COG4: variants seen among roughly 807,000 people sequenced by gnomAD.
The protein encoded by COG4 is component of oligomeric golgi complex 4.
In COG4, 65 loss-of-function variants were observed where a neutral mutation model predicts 95.1. The ratio of observed to expected loss-of-function variants is 0.68; its 90% CI spans 0.56 to 0.84. The LOEUF is 0.84. Ranked by LOEUF, COG4 falls within the 40% of genes least tolerant of loss-of-function variation. COG4 has a pLI of 0.00. For synonymous variants in COG4, 421 were observed against 374.8 expected, an observed-to-expected ratio of 1.12 and a Z score of -1.42; for missense variants, 1,045 against 989.1, an observed-to-expected ratio of 1.06 and a Z score of -0.76.
intron 8 of COG4, among the ~76,000 whole-genome samples, chr16:70,506,173 G>C (rs866048456): frequency 1.3e-5 from 2 of 151,760 alleles, no homozygotes; most frequent in Non-Finnish European, 2.9e-5. Flanking sequence ...GAGGTGGGTG[G>C]ATCATGAGGG....
chr16:70,519,637 G>T lies in COG4; in HGVS notation c.254+12C>A. On this transcript the variant is annotated intron_variant, in intron 2 of 18. Coordinates refer to ENST00000323786, the MANE Select transcript of COG4 (RefSeq NM_015386.3). ...AATTTACATTAGCTCTTGCTGAGAT[G>T]CACAGACTCACCCCATTCGGTGGAG... is the stretch of plus-strand genomic sequence containing the variant. 6.2e-7 allele frequency: 1 copy of T among 1,602,298 alleles called. No homozygotes were observed. Among genetic ancestry groups the T allele is most frequent in the Non-Finnish European group, 8.5e-7 (1 of 1,169,714 alleles).
At chr16:70,508,937 G>C (rs1409883640) in intron 7 of COG4, 1 of 543,604 alleles carries the variant, frequency 1.8e-6, no homozygotes, top group African/African-American at 1.9e-5. Flanking sequence ...TATCATTAGA[G>C]GGCACTGTTG....
In COG4 at chr16:70,481,097, C is replaced by G; in HGVS notation, c.2283G>C (p.Thr761=). The G allele has an allele frequency of 6.2e-7, 1 of 1,613,484 alleles. No homozygotes were observed. Among genetic ancestry groups the G allele is most frequent in the Admixed American group, 1.7e-5 (1 of 60,018 alleles). The change falls in exon 19 of 19, where the codon ACG becomes ACC. Residue 761 remains threonine, a synonymous_variant. Coordinates refer to ENST00000323786, the MANE Select transcript of COG4 (RefSeq NM_015386.3). ...GCACTTCAGCAGGGGTGAGGCGCCA[C>G]GTCAATGGGCCGGAATTGGGTCCCC... ...DYWGPNSGPL[T]WRLTPAEVRQ...
In COG4 at chr16:70,481,000, A is replaced by C; in HGVS notation, c.*10T>G. On this transcript the variant is annotated 3_prime_UTR_variant, in exon 19 of 19. Transcript: ENST00000323786. The stretch of plus-strand genomic sequence containing the variant: ...CAAGTGTGATGAGCCAGGTGTGCTC[A>C]TCCAGGCAGCTACAGGCGCAGCCTC... 6.2e-7 allele frequency: 1 copy of C among 1,611,872 alleles called. No individual in the cohort carries two copies. The highest frequency in any genetic ancestry group is 1.1e-5 in the South Asian group (1 of 91,034).
intron 8 of COG4, among the ~76,000 whole-genome samples, chr16:70,502,526 G>A (rs1213522189): frequency 2.0e-5 from 3 of 150,886 alleles, no homozygotes; most frequent in Admixed American, 1.3e-4. Flanking sequence ...GCTTGAACCC[G>A]AGAGGCGGAG....
At chr16:70,481,275 C>T in intron 18 of COG4, 84 bp downstream of exon 18, 2 of 1,608,902 alleles carry the variant, frequency 1.2e-6, no homozygotes, top group Non-Finnish European at 1.7e-6. Flanking sequence ...TGCTGGCAGA[C>T]ATGGTTTAGA....
At chr16:70,522,639 G>A (rs560722546) in intron 1 of COG4, among the ~76,000 whole-genome samples, 150 of 152,322 alleles carry the variant, frequency 9.8e-4, no homozygotes, top group Middle Eastern at 3.4e-3. Flanking sequence ...CAGCTGACAA[G>A]CTTAGAGCTT....
At chr16:70,482,236 C>T (rs1397099155) in intron 15 of COG4, 61 bp from the exon 16 acceptor site, 3 of 986,964 alleles carry the variant, frequency 3.0e-6, no homozygotes, top group Admixed American at 1.7e-5. Flanking sequence ...TTCATTGCCA[C>T]CCACCTCTAT....
chr16:70,488,672 C>G (rs545099465), intron 13 of COG4, among the ~76,000 whole-genome samples: 1 of 152,046 alleles, frequency 6.6e-6, no homozygotes, highest in Non-Finnish European at 1.5e-5. Flanking sequence ...CTCAGCCTCC[C>G]GAGTAGCTGG....
intron 9 of COG4, among the ~76,000 whole-genome samples, chr16:70,500,456 G>T (rs1451443642): frequency 6.8e-6 from 1 of 146,440 alleles, no homozygotes; most frequent in African/African-American, 2.7e-5. Context: ...GCCCCCCAGG[G>T]TTCAAGCAAT....
Position 70,509,316 on chromosome 16 carries a change from A to T in COG4, c.917T>A (p.Leu306Gln). The change falls in exon 7 of 19, where the codon CTG (leucine) becomes CAG (glutamine). Residue 306 changes from leucine to glutamine, a missense_variant. Coordinates refer to ENST00000323786, the MANE Select transcript of COG4 (RefSeq NM_015386.3). ...TYYGPGRLYTLIKYLQVECDR... is the reference protein window; with the variant it reads ...TYYGPGRLYTQIKYLQVECDR... The stretch of plus-strand genomic sequence containing the variant: ...ACATTCCACCTGCAGATATTTGATC[A>T]GGGTATAGAGTCTCCCTGGCCCATA... The T allele has an allele frequency of 6.2e-7, 1 of 1,614,208 alleles. No homozygotes were observed. The highest frequency in any genetic ancestry group is 8.5e-7 in the Non-Finnish European group (1 of 1,180,038).
intron 8 of COG4, among the ~76,000 whole-genome samples, chr16:70,504,916 A>C (rs1269888009): frequency 6.6e-6 from 1 of 152,076 alleles, no homozygotes; most frequent in African/African-American, 2.4e-5. Flanking sequence ...CTCAAAAAAA[A>C]AAAAAAAAAA....
intron 2 of COG4, 115 bp downstream of exon 2, chr16:70,519,534 C>T (rs960666916): frequency 1.1e-5 from 8 of 747,974 alleles, no homozygotes; most frequent in Admixed American, 2.0e-5. Flanking sequence ...TGAGATAATA[C>T]CCTTTACATT....
chr16:70,486,336 T>C (rs182251162), intron 13 of COG4, among the ~76,000 whole-genome samples: 1 of 152,270 alleles, frequency 6.6e-6, no homozygotes, highest in East Asian at 1.9e-4. Flanking sequence ...CTGTTTTGGC[T>C]CCAGAGGGGA....
intron 12 of COG4, among the ~76,000 whole-genome samples, chr16:70,490,805 G>A (rs1403417637): frequency 6.6e-6 from 1 of 151,744 alleles, no homozygotes; most frequent in South Asian, 2.1e-4. Flanking sequence ...GACAACAGGC[G>A]CCCGCCACTA....
At chr16:70,516,961 C>T (rs1041531808) in intron 3 of COG4, among the ~76,000 whole-genome samples, 4 of 152,082 alleles carry the variant, frequency 2.6e-5, no homozygotes, top group Admixed American at 2.0e-4. Flanking sequence ...GACACGGCTT[C>T]GCCATGTTGC....
chr16:70,521,613 T>C (rs2049943770), intron 1 of COG4, among the ~76,000 whole-genome samples: 1 of 152,142 alleles, frequency 6.6e-6, no homozygotes, highest in Non-Finnish European at 1.5e-5. Flanking sequence ...TATATCATTT[T>C]GTCTGTAAGA....
chr16:70,497,848 C>G (rs1223570982), intron 10 of COG4, 89 bp downstream of exon 10: 9 of 826,988 alleles, frequency 1.1e-5, no homozygotes, highest in Non-Finnish European at 1.9e-5. Context: ...AAAGCAGGAC[C>G]AATAAATATG....
Position 70,514,329 on chromosome 16 carries a change from G to A in COG4, c.544+6C>T. 1 of 1,614,054 alleles carries A rather than the reference G, an allele frequency of 6.2e-7. No homozygotes were observed. Among genetic ancestry groups the A allele is most frequent in the East Asian group, 2.2e-5 (1 of 44,894 alleles). On this transcript the variant is annotated splice_donor_region_variant and intron_variant, in intron 4 of 18. Transcript: ENST00000323786. ...AAACTAAAAACCAACAGTTTCGGATGCTGACCCTCTTTGCCCTGTCGGCTG... is the reference window on the plus strand; with the variant it reads ...AAACTAAAAACCAACAGTTTCGGATACTGACCCTCTTTGCCCTGTCGGCTG...
Sources: allele counts gnomAD v4.1 joint callset (sites outside exome capture counted in the v4.1 genomes callset), GRCh38; gene constraint gnomAD v4.1.1; transcripts MANE v1.5; gene names NCBI Gene and HGNC (gene_info 2026-07-23, HGNC 2026-07-21).